Variants in C2orf49 observed in about 807,000 individuals in gnomAD.
C2orf49 encodes tRNA splicing ligase complex subunit 2, also known as tRNA-splicing ligase complex subunit ASW.
A neutral mutation model predicts 20.6 loss-of-function variants in C2orf49; 11 were observed. The observed-to-expected ratio is 0.53, with a 90% CI of 0.34 to 0.88. The LOEUF (loss-of-function observed/expected upper bound fraction) is 0.88. Among genes scored for constraint, C2orf49 ranks in the 40% least tolerant of loss-of-function variants. The pLI is 0.02. For synonymous variants in C2orf49, 134 were observed against 108.5 expected (o/e 1.24, Z -1.46); for missense variants, 289 against 274.2 (o/e 1.05, Z -0.38).
At chr2:105,342,382 C>T (rs887467218) in intron 2 of C2orf49, among the ~76,000 whole-genome samples, 1 of 152,192 alleles carries the variant, frequency 6.6e-6, no homozygotes, top group African/African-American at 2.4e-5. Context: ...TAGAAAATGT[C>T]TTGGCTTTAG....
In C2orf49 at chr2:105,346,679, C is replaced by T. The variant is rs1679821021; in HGVS notation, c.*1308C>T. On this transcript the variant is annotated 3_prime_UTR_variant, in exon 4 of 4. Transcript: ENST00000258457. ...TAGAGGAGCTACTGGAGTCAGAAGTCACTGCAGAGTGCAACATAGGAAGAT... is the reference window on the plus strand; with the variant it reads ...TAGAGGAGCTACTGGAGTCAGAAGTTACTGCAGAGTGCAACATAGGAAGAT... The T allele has an allele frequency of 6.6e-6, 1 of 152,172 alleles. No individual in the cohort carries two copies. Among genetic ancestry groups the T allele is most frequent in the Non-Finnish European group, 1.5e-5 (1 of 68,038 alleles). 9.4% of individuals were successfully genotyped at this position (152,172 alleles called of 1,614,324 possible). A position where few individuals can be genotyped will look rare whatever the true frequency, so the allele number is the denominator to read the frequency against.
chr2:105,377,922 G>T, the C2orf49 span: 1 of 400,892 alleles, frequency 2.5e-6, no homozygotes, highest in African/African-American at 2.1e-5. Flanking sequence ...TACGCCCAGA[G>T]GGGTGGCAAG....
At chr2:105,381,785 T>C in the C2orf49 span, among the ~76,000 whole-genome samples, 1 of 152,074 alleles carries the variant, frequency 6.6e-6, no homozygotes, top group Admixed American at 6.5e-5. Context: ...AGAAGGTAAT[T>C]TGCTCATTGA....
At chr2:105,383,886 A>G in the C2orf49 span, among the ~76,000 whole-genome samples, 1 of 152,260 alleles carries the variant, frequency 6.6e-6, no homozygotes, top group Non-Finnish European at 1.5e-5. Flanking sequence ...AAAATGTACA[A>G]AATCATACAG....
At chr2:105,349,974 C>G (rs545062067), downstream of C2orf49, among the ~76,000 whole-genome samples, 3 of 152,286 alleles carry the variant, frequency 2.0e-5, no homozygotes, top group African/African-American at 7.2e-5. Context: ...AATGCTTCTA[C>G]TCTTACACTT....
intron 2 of C2orf49, among the ~76,000 whole-genome samples, chr2:105,339,952 A>C (rs1159958467): frequency 3.3e-5 from 5 of 152,252 alleles, no homozygotes; most frequent in Non-Finnish European, 7.3e-5. Flanking sequence ...ACATAACAAC[A>C]GTTAAAATAT....
downstream of C2orf49, among the ~76,000 whole-genome samples, chr2:105,350,488 A>T (rs1244680638): frequency 6.6e-6 from 1 of 152,270 alleles, no homozygotes; most frequent in Non-Finnish European, 1.5e-5. Context: ...AATCAAAAAT[A>T]GACTAGTTGA....
chr2:105,353,528 CTG>C (rs1314501749), downstream of C2orf49, among the ~76,000 whole-genome samples: 10 of 152,088 alleles, frequency 6.6e-5, no homozygotes, highest in African/African-American at 2.2e-4. Context: ...ATCTTCATCT[CTG>C]TGTAAGAAAA....
rs1219873931 is a variant in C2orf49 at position 105,347,347 on chromosome 2, C to G, written c.*1976C>G. ...TTTATTTTATATTCAGTTGTCCTCT[C>G]TGCTTCCATCTGTGTTGCTCTCTTA... On this transcript the variant is annotated 3_prime_UTR_variant, in exon 4 of 4. Transcript: ENST00000258457. 6.6e-6 allele frequency: 1 copy of G among 152,238 alleles called. No homozygotes were observed. 9.4% of individuals were successfully genotyped at this position (152,238 alleles called of 1,614,324 possible). A position where few individuals can be genotyped will look rare whatever the true frequency, so the allele number is the denominator to read the frequency against.
the C2orf49 span, among the ~76,000 whole-genome samples, chr2:105,354,850 A>T: frequency 5.7e-4 from 87 of 152,350 alleles, no homozygotes; most frequent in Middle Eastern, 0.024. Context: ...GAGGTAACTA[A>T]TACAATATTT....
the C2orf49 span, among the ~76,000 whole-genome samples, chr2:105,385,047 T>G: frequency 6.6e-6 from 1 of 152,188 alleles, no homozygotes; most frequent in Non-Finnish European, 1.5e-5. Flanking sequence ...AGTAGCCAGA[T>G]CAGCTATTTT....
the C2orf49 span, chr2:105,358,222 G>C: frequency 3.3e-5 from 5 of 152,158 alleles, no homozygotes; most frequent in African/African-American, 1.2e-4. Context: ...CTCGTTCTCC[G>C]TACCAAATAC....
the C2orf49 span, among the ~76,000 whole-genome samples, chr2:105,372,511 C>T: frequency 6.6e-6 from 1 of 152,256 alleles, no homozygotes; most frequent in East Asian, 1.9e-4. Flanking sequence ...AGGGGTGAGC[C>T]ACCACACCTG....
chr2:105,383,576 ACT>A, the C2orf49 span, among the ~76,000 whole-genome samples: 767 of 152,224 alleles, frequency 5.0e-3, 2 homozygotes, highest in African/African-American at 0.018. Context: ...AACATTTAAA[ACT>A]CACACACATG....
chr2:105,338,482 T>G (rs1039086216), intron 1 of C2orf49, among the ~76,000 whole-genome samples: 1 of 152,206 alleles, frequency 6.6e-6, no homozygotes, highest in African/African-American at 2.4e-5. Flanking sequence ...CACAGATTGT[T>G]GGGCTCCGTC....
the C2orf49 span, among the ~76,000 whole-genome samples, chr2:105,357,463 CTG>C: frequency 6.6e-6 from 1 of 152,108 alleles, no homozygotes; most frequent in Non-Finnish European, 1.5e-5. Flanking sequence ...CTCTTGGTAT[CTG>C]TGGGGGATTA....
chr2:105,349,410 A>T (rs1186961939), downstream of C2orf49, among the ~76,000 whole-genome samples: 1 of 152,128 alleles, frequency 6.6e-6, no homozygotes, highest in Non-Finnish European at 1.5e-5. Flanking sequence ...TTTGTACTTA[A>T]CACATAGATT....
Position 105,346,771 on chromosome 2 carries a change from A to G in C2orf49, c.*1400A>G, listed in dbSNP as rs1679823659. On this transcript the variant is annotated 3_prime_UTR_variant, in exon 4 of 4. Coordinates refer to ENST00000258457, the MANE Select transcript of C2orf49 (RefSeq NM_024093.3). ...GACAATTCCCACATGGCTGTTCTAC[A>G]CAGAATTACCTGCTAAGATTTTTTG... 6.6e-6 allele frequency: 1 copy of G among 152,196 alleles called. No homozygotes were observed. The highest frequency in any genetic ancestry group is 6.5e-5 in the Admixed American group (1 of 15,282). The allele number at this position is 152,196 out of a possible 1,614,324, so 9.4% of individuals were successfully genotyped here.
intron 2 of C2orf49, among the ~76,000 whole-genome samples, chr2:105,342,353 T>C (rs1558666624): frequency 1.3e-5 from 2 of 152,252 alleles, no homozygotes; most frequent in East Asian, 3.8e-4. Flanking sequence ...CTTGTACAAA[T>C]GTCCAGTTAC....
Sources: allele counts gnomAD v4.1 joint callset (sites outside exome capture counted in the v4.1 genomes callset), GRCh38; gene constraint gnomAD v4.1.1; transcripts MANE v1.5; gene names NCBI Gene and HGNC (gene_info 2026-07-23, HGNC 2026-07-21).